The following BAG4 variants were observed in gnomAD, a reference collection of about 807,000 sequenced individuals.
BAG4 encodes the protein BAG family molecular chaperone regulator 4.
Under a neutral mutation model 52.1 loss-of-function variants are expected in BAG4, and 28 were observed. The observed-to-expected ratio is 0.54, with a 90% CI of 0.40 to 0.74. The LOEUF (loss-of-function observed/expected upper bound fraction) is 0.74. BAG4 is among the 30% of genes least tolerant of loss of function. BAG4 has a pLI of 0.00. For synonymous variants in BAG4, 208 were observed against 217.0 expected, an observed-to-expected ratio of 0.96 and a Z score of 0.37; for missense variants, 525 against 572.0, an observed-to-expected ratio of 0.92 and a Z score of 0.84.
In BAG4 at chr8:38,198,520, A is replaced by G. The variant is rs551409188; in HGVS notation, c.378+5725A>G. Reference sequence around the variant, plus strand: ...TTTTTTTTTTTTGAGATGGAGTTTCACTCTGTCGCCCAGGCTGCAGTGCAG... The same window carrying G: ...TTTTTTTTTTTTGAGATGGAGTTTCGCTCTGTCGCCCAGGCTGCAGTGCAG... On this transcript the variant is annotated intron_variant, in intron 2 of 4. Coordinates refer to ENST00000287322, the MANE Select transcript of BAG4 (RefSeq NM_004874.4). 2.5e-5 allele frequency among the ~76,000 whole-genome samples: 3 copies of G among 119,144 alleles called. No individual in the cohort carries two copies. The East Asian group carries it at 7.1e-4, about 28-fold the overall frequency. The allele number at this position is 119,144 out of a possible 152,430, so 78.2% of individuals were successfully genotyped here.
At chr8:38,208,606 TGGC>T (rs1291574204) in intron 3 of BAG4, among the ~76,000 whole-genome samples, 5 of 152,068 alleles carry the variant, frequency 3.3e-5, no homozygotes, top group Non-Finnish European at 7.4e-5. Flanking sequence ...CCACCGCGCC[TGGC>T]CAGGTTCATG....
chr8:38,177,097 A>T lies in BAG4; in HGVS notation c.228A>T (p.Gly76=). The T allele has an allele frequency of 6.2e-7, 1 of 1,612,728 alleles. No individual in the cohort carries two copies. Among genetic ancestry groups the T allele is most frequent in the South Asian group, 1.1e-5 (1 of 90,988 alleles). ...GGGGDGYYPS[G]GAWPEPGRAG... ...GAGGCGATGGCTACTATCCCTCGGG[A>T]GGCGCCTGGCCAGAGCCTGGTCGAG... Residue 76 remains glycine (G), a synonymous_variant, in exon 1 of 5, where the codon GGA becomes GGT. Coordinates refer to ENST00000287322, the MANE Select transcript of BAG4 (RefSeq NM_004874.4).
rs534585314 is a variant in BAG4 at position 38,210,508 on chromosome 8, A to G, written c.*15A>G. The G allele has an allele frequency of 1.6e-5, 25 of 1,549,714 alleles. 1 individual carries two copies. In the South Asian group the frequency reaches 3.0e-4, roughly 19 times the overall value. Reference sequence around the variant, plus strand: ...AAGGATTATGAAAGGATTTAGAACAAAGTGGAAGCCTGTTACTAACTTGAC... The same window carrying G: ...AAGGATTATGAAAGGATTTAGAACAGAGTGGAAGCCTGTTACTAACTTGAC... On this transcript the variant is annotated 3_prime_UTR_variant, in exon 5 of 5. Transcript: ENST00000287322.
At chr8:38,194,409 CTTTTTTTTT>C (rs750931003) in intron 2 of BAG4, among the ~76,000 whole-genome samples, 5 of 78,618 alleles carry the variant, frequency 6.4e-5, no homozygotes, top group South Asian at 4.2e-4. Flanking sequence ...TAGGTGTGTA[CTTTTTTTTT>C]TTTTTTTTTT....
intron 1 of BAG4, among the ~76,000 whole-genome samples, chr8:38,189,094 C>T (rs1383468244): frequency 3.3e-5 from 5 of 151,940 alleles, no homozygotes; most frequent in South Asian, 4.2e-4. Flanking sequence ...AGTAGCTGCC[C>T]GCCACCACAC....
rs763091825 is a variant in BAG4, at chr8:38,210,486, G to T, written c.1367G>T (p.Gly456Val). The T allele has an allele frequency of 6.4e-7, 1 of 1,570,206 alleles. No individual in the cohort carries two copies. Among genetic ancestry groups the T allele is most frequent in the South Asian group, 1.2e-5 (1 of 83,304 alleles). The change falls in exon 5 of 5, where the codon GGA becomes GTA. Residue 456 changes from glycine (G) to valine (V), a missense_variant. Physicochemically the swap from Gly to Val is moderately radical, Grantham distance 109. Coordinates refer to ENST00000287322, the MANE Select transcript of BAG4 (RefSeq NM_004874.4). Reference sequence around the variant, plus strand: ...ATACTGGAAAAATTAGAAAAAAAAGGATTATGAAAGGATTTAGAACAAAGT... The same window carrying T: ...ATACTGGAAAAATTAGAAAAAAAAGTATTATGAAAGGATTTAGAACAAAGT... ...QAILEKLEKKGL is the reference protein window; with the variant it reads ...QAILEKLEKKVL
intron 3 of BAG4, 70 bp downstream of exon 3, chr8:38,207,836 CTG>C: frequency 1.3e-6 from 2 of 1,535,498 alleles, no homozygotes; most frequent in Non-Finnish European, 1.8e-6. Context: ...GGAAGAGCAT[CTG>C]TTCATACTAG....
At chr8:38,197,495 G>A (rs2130679780) in intron 2 of BAG4, among the ~76,000 whole-genome samples, 1 of 152,256 alleles carries the variant, frequency 6.6e-6, no homozygotes, top group Middle Eastern at 3.4e-3. Flanking sequence ...CTTGTACAGG[G>A]CATTTGCCAT....
chr8:38,183,649 G>A (rs1803312058), intron 1 of BAG4, among the ~76,000 whole-genome samples: 1 of 151,644 alleles, frequency 6.6e-6, no homozygotes, highest in African/African-American at 2.4e-5. Flanking sequence ...CCTTTTTCTT[G>A]GCTTCTGATT....
At position 38,180,522 on chromosome 8, in the gene BAG4, C is replaced by CAA. The variant is rs1161178024; in HGVS notation, c.270+3408_270+3409dup. ...TGGGCAGCAAAGCGAGACTCCGTCT[C>CAA]AAAAAAAAAAAAAAAAAAAAAAAAA... On this transcript the variant is annotated intron_variant, in intron 1 of 4. Coordinates refer to ENST00000287322, the MANE Select transcript of BAG4 (RefSeq NM_004874.4). Among the ~76,000 whole-genome samples the CAA allele has an allele frequency of 2.3e-3, 60 of 26,466 alleles. 5 individuals are homozygous for CAA. The highest frequency in any genetic ancestry group is 7.5e-3 in the East Asian group (7 of 930). 17.4% of individuals were successfully genotyped at this position (26,466 alleles called of 152,430 possible).
In BAG4 at chr8:38,209,190, A is replaced by C; in HGVS notation, c.811A>C (p.Met271Leu). The change falls in exon 4 of 5, where the codon ATG becomes CTG. Residue 271 changes from methionine (M) to leucine (L), a missense_variant. Transcript: ENST00000287322. ...APSAPPGNLY[M>L]TESTSPWPSS... ...CTCAGCACCACCCGGCAATCTCTAC[A>C]TGACTGAAAGTACTTCACCATGGCC... 1 of 1,614,164 alleles carries C rather than the reference A, an allele frequency of 6.2e-7. No homozygotes were observed. The highest frequency in any genetic ancestry group is 8.5e-7 in the Non-Finnish European group (1 of 1,180,038).
chr8:38,186,131 G>C (rs1433085671), intron 1 of BAG4, among the ~76,000 whole-genome samples: 3 of 152,112 alleles, frequency 2.0e-5, no homozygotes, highest in Admixed American at 1.3e-4. Context: ...CAAAATTCTA[G>C]GTAATTGTGG....
intron 2 of BAG4, among the ~76,000 whole-genome samples, chr8:38,203,529 C>CA (rs1803718765): frequency 6.6e-6 from 1 of 152,038 alleles, no homozygotes; most frequent in African/African-American, 2.4e-5. Flanking sequence ...GTGATCCGCC[C>CA]ACCTTGGCCT....
At chr8:38,192,888 G>A in intron 2 of BAG4, 93 bp downstream of exon 2, 2 of 925,526 alleles carry the variant, frequency 2.2e-6, no homozygotes, top group South Asian at 3.6e-5. Flanking sequence ...TGATGAGTGT[G>A]TGTTTTTTTT....
intron 1 of BAG4, among the ~76,000 whole-genome samples, chr8:38,188,802 G>C (rs1287958316): frequency 1.3e-5 from 2 of 151,590 alleles, no homozygotes; most frequent in Non-Finnish European, 2.9e-5. Context: ...TTATTTATTT[G>C]TTTATCTTTG....
At chr8:38,204,534 A>G (rs1303721116) in intron 2 of BAG4, among the ~76,000 whole-genome samples, 1 of 151,490 alleles carries the variant, frequency 6.6e-6, no homozygotes, top group Non-Finnish European at 1.5e-5. Flanking sequence ...CAGGCATGGT[A>G]TAATCCCAGC....
intron 2 of BAG4, among the ~76,000 whole-genome samples, chr8:38,200,929 A>G (rs1246792433): frequency 6.6e-6 from 1 of 152,230 alleles, no homozygotes; most frequent in Non-Finnish European, 1.5e-5. Flanking sequence ...AGATTGCATC[A>G]TAGATCAGTT....
At chr8:38,198,479 TTTTG>T (rs1222586264) in intron 2 of BAG4, among the ~76,000 whole-genome samples, 2 of 148,466 alleles carry the variant, frequency 1.3e-5, no homozygotes, top group African/African-American at 5.1e-5. Context: ...TTTTTTTGTT[TTTTG>T]TTTGTTTTTT....
chr8:38,177,417 C>G (rs1490294340), intron 1 of BAG4, among the ~76,000 whole-genome samples: 2 of 152,228 alleles, frequency 1.3e-5, no homozygotes, highest in Non-Finnish European at 2.9e-5. Flanking sequence ...GCAGATCTCT[C>G]TCCTGGGAGC....
Sources: gnomAD v4.1 joint callset for allele counts (sites outside exome capture counted in the v4.1 genomes callset) on GRCh38, gnomAD v4.1.1 for gene constraint, MANE v1.5 for transcripts, NCBI Gene and HGNC (gene_info 2026-07-23, HGNC 2026-07-21) for gene names.